Variants in WFDC10B observed in about 807,000 individuals in gnomAD.
WFDC10B encodes the protein WAP four-disulfide core domain 10B.
A neutral mutation model predicts 2.7 loss-of-function variants in WFDC10B; 1 was observed. The ratio of observed to expected loss-of-function variants is 0.38; its 90% CI spans 0.13 to 1.79. The LOEUF is 1.79. Ranked by LOEUF, WFDC10B falls within the 40% of genes most tolerant of loss-of-function variation. The pLI, the probability that WFDC10B is intolerant of heterozygous loss-of-function variation, is 0.33. For synonymous variants in WFDC10B, 26 were observed against 32.2 expected (o/e 0.81, Z 0.65); for missense variants, 71 against 87.8 (o/e 0.81, Z 0.76).
At chr20:45,685,055 C>A (rs1378062911) in intron 3 of WFDC10B, 95 bp from the exon 4 acceptor site, 7 of 1,521,558 alleles carry the variant, frequency 4.6e-6, no homozygotes, top group African/African-American at 2.8e-5. Context: ...AACCAAGGCA[C>A]CCCTGCCACC....
Position 45,687,681 on chromosome 20 carries a change from T to C in WFDC10B, c.-64-1625A>G, listed in dbSNP as rs185983622. On this transcript the variant is annotated intron_variant, in intron 2 of 3. Transcript: ENST00000330523. ...CAACCTCAACAGCATCTGTAGTTTC[T>C]TGACTTTTTAATAACCTCCATTGTA... 2.0e-3 allele frequency among the ~76,000 whole-genome samples: 305 copies of C among 152,254 alleles called. 1 individual carries two copies. The highest frequency in any genetic ancestry group is 6.2e-3 in the Admixed American group (95 of 15,284).
chr20:45,689,310 A>G (rs1345707594), intron 2 of WFDC10B, among the ~76,000 whole-genome samples: 1 of 151,614 alleles, frequency 6.6e-6, no homozygotes, highest in African/African-American at 2.4e-5. Context: ...CTTAGGATTG[A>G]CTTGGCGATG....
chr20:45,696,468 G>T (rs1341088232), intron 2 of WFDC10B, among the ~76,000 whole-genome samples: 3 of 151,906 alleles, frequency 2.0e-5, no homozygotes, highest in South Asian at 2.1e-4. Flanking sequence ...ACCAAAGCTT[G>T]GTTTTTTTAA....
intron 2 of WFDC10B, among the ~76,000 whole-genome samples, chr20:45,686,767 A>G (rs1983635386): frequency 6.6e-6 from 1 of 151,868 alleles, no homozygotes; most frequent in Admixed American, 6.6e-5. Context: ...GGTTCAAGCA[A>G]TTCGCACCTC....
intron 2 of WFDC10B, among the ~76,000 whole-genome samples, chr20:45,696,983 G>T (rs573800186): frequency 2.0e-5 from 3 of 151,844 alleles, no homozygotes; most frequent in South Asian, 4.2e-4. Context: ...ATGATTAAAG[G>T]TACCTATAAA....
rs75216546 is a variant in WFDC10B at position 45,704,466 on chromosome 20, C to T, written c.-65+31G>A. The T allele has an allele frequency of 2.1e-3, 3,431 of 1,613,946 alleles. 62 individuals carry two copies. The African/African-American group carries it at 0.041, about 19-fold the overall frequency. ...CAGAGTATATCTTGGAACCTCCACC[C>T]TGCATATCAGCACCTGAAAACTGTA... is the stretch of plus-strand genomic sequence containing the variant. On this transcript the variant is annotated intron_variant, in intron 2 of 3. Transcript: ENST00000330523.
intron 2 of WFDC10B, among the ~76,000 whole-genome samples, chr20:45,687,858 CTTTTA>C (rs974289306): frequency 4.8e-5 from 6 of 124,938 alleles, no homozygotes; most frequent in African/African-American, 6.9e-5. Context: ...CTTGTCTTTT[CTTTTA>C]TTATTATTAT....
chr20:45,695,596 C>A (rs909637093), intron 2 of WFDC10B, among the ~76,000 whole-genome samples: 2 of 152,052 alleles, frequency 1.3e-5, no homozygotes, highest in African/African-American at 4.8e-5. Context: ...AGCTAGAAAT[C>A]AATAAGAGAA....
intron 2 of WFDC10B, among the ~76,000 whole-genome samples, chr20:45,686,894 C>T (rs12481641): frequency 0.014 from 2,129 of 152,274 alleles, 92 homozygotes; most frequent in Admixed American, 0.099. Context: ...CTCCTGACTT[C>T]AATTGATCCA....
chr20:45,684,667 C>A lies in WFDC10B; in HGVS notation c.*163G>T, dbSNP rs553001968. The A allele has an allele frequency of 2.3e-5, 21 of 920,324 alleles. No individual in the cohort carries two copies. The South Asian group carries it at 3.3e-4, about 14-fold the overall frequency. The allele number at this position is 920,324 out of a possible 1,614,324, so 57.0% of individuals were successfully genotyped here. ...GAGGCAGGATCCATGGGCATTTGTT[C>A]TGGTTTATTTGACAGGGACAGGGAG... On this transcript the variant is annotated 3_prime_UTR_variant, in exon 4 of 4. Coordinates refer to ENST00000330523, the MANE Select transcript of WFDC10B (RefSeq NM_172006.2).
intron 2 of WFDC10B, among the ~76,000 whole-genome samples, chr20:45,694,711 C>G (rs1028802189): frequency 6.6e-6 from 1 of 152,148 alleles, no homozygotes; most frequent in Non-Finnish European, 1.5e-5. Flanking sequence ...TCATAAGAAG[C>G]CCCTTTCGAT....
At chr20:45,704,023 C>T (rs1984284838) in intron 2 of WFDC10B, among the ~76,000 whole-genome samples, 1 of 152,152 alleles carries the variant, frequency 6.6e-6, no homozygotes, top group Non-Finnish European at 1.5e-5. Context: ...TAGGTTAACC[C>T]CAGGGTAAAC....
intron 2 of WFDC10B, among the ~76,000 whole-genome samples, chr20:45,695,491 C>T (rs571669389): frequency 2.0e-5 from 3 of 152,184 alleles, no homozygotes; most frequent in South Asian, 4.1e-4. Context: ...GAACATACTC[C>T]AGGATAAACT....
At chr20:45,692,296 A>G in intron 2 of WFDC10B, among the ~76,000 whole-genome samples, 1 of 151,942 alleles carries the variant, frequency 6.6e-6, no homozygotes, top group Non-Finnish European at 1.5e-5. Flanking sequence ...ACTTTGGTGA[A>G]TCTGACAATT....
intron 2 of WFDC10B, among the ~76,000 whole-genome samples, chr20:45,696,754 T>C (rs1036994450): frequency 1.3e-5 from 2 of 152,152 alleles, no homozygotes; most frequent in Non-Finnish European, 2.9e-5. Flanking sequence ...ATAGAATCAG[T>C]AATTTTTGAA....
chr20:45,689,420 A>G (rs1289482055), intron 2 of WFDC10B, among the ~76,000 whole-genome samples: 3 of 151,750 alleles, frequency 2.0e-5, no homozygotes, highest in Non-Finnish European at 4.4e-5. Flanking sequence ...GAATCTATAA[A>G]TTACCTTGGG....
At chr20:45,699,004 A>AGGGGGG in intron 2 of WFDC10B, among the ~76,000 whole-genome samples, 1 of 146,140 alleles carries the variant, frequency 6.8e-6, no homozygotes, top group Non-Finnish European at 1.5e-5. Flanking sequence ...AAGGAGGGGG[A>AGGGGGG]GGGGGAAGAA....
chr20:45,686,132 G>A, intron 2 of WFDC10B, 76 bp from the exon 3 acceptor site: 1 of 1,455,994 alleles, frequency 6.9e-7, no homozygotes, highest in Non-Finnish European at 9.1e-7. Context: ...TCAGGGCAGA[G>A]CAAGAGTCCT....
At chr20:45,689,310 A>T (rs1345707594) in intron 2 of WFDC10B, among the ~76,000 whole-genome samples, 3 of 151,728 alleles carry the variant, frequency 2.0e-5, no homozygotes, top group Non-Finnish European at 4.4e-5. Context: ...CTTAGGATTG[A>T]CTTGGCGATG....
Sources: allele counts gnomAD v4.1 joint callset (sites outside exome capture counted in the v4.1 genomes callset), GRCh38; gene constraint gnomAD v4.1.1; transcripts MANE v1.5; gene names NCBI Gene and HGNC (gene_info 2026-07-23, HGNC 2026-07-21).